GMDS: variants seen among roughly 807,000 people sequenced by gnomAD.
GMDS encodes the protein GDP-mannose 4,6 dehydratase.
In GMDS, 20 loss-of-function variants were observed where a neutral mutation model predicts 49.9. The observed-to-expected ratio is 0.40, with a 90% CI of 0.28 to 0.58. The LOEUF (loss-of-function observed/expected upper bound fraction) is 0.58. Ranked by LOEUF, GMDS falls within the 20% of genes least tolerant of loss-of-function variation. The probability of loss-of-function intolerance (pLI) is 0.42; values close to 1 mark genes in which losing one functional copy is unlikely to be tolerated. For synonymous variants in GMDS, 177 were observed against 178.6 expected, an observed-to-expected ratio of 0.99 and a Z score of 0.07; for missense variants, 362 against 481.4, an observed-to-expected ratio of 0.75 and a Z score of 2.32.
intron 9 of GMDS, among the ~76,000 whole-genome samples, chr6:1,704,754 T>A (rs190553089): frequency 6.6e-6 from 1 of 151,818 alleles, no homozygotes. Context: ...AAATTGGAAG[T>A]AATAAACACA....
chr6:1,880,284 C>CAAAAAAAAAA (rs34490393), intron 7 of GMDS, among the ~76,000 whole-genome samples: 1 of 59,112 alleles, frequency 1.7e-5, no homozygotes, highest in African/African-American at 7.2e-5. Context: ...CTCATTTCCA[C>CAAAAAAAAAA]AAAAAAAAAA....
At chr6:1,941,258 C>A (rs909672008) in intron 6 of GMDS, among the ~76,000 whole-genome samples, 3 of 151,888 alleles carry the variant, frequency 2.0e-5, no homozygotes, top group Non-Finnish European at 4.4e-5. Context: ...CATTTGGGAA[C>A]TATTTATGTA....
chr6:1,697,162 G>A (rs779247361), intron 9 of GMDS, among the ~76,000 whole-genome samples: 11 of 152,150 alleles, frequency 7.2e-5, no homozygotes, highest in South Asian at 2.1e-4. Context: ...TGATTCCTAC[G>A]TATGCCTCCT....
In GMDS at chr6:1,924,121, C is replaced by T. The variant is rs78283031; in HGVS notation, c.771+5982G>A. On this transcript the variant is annotated intron_variant, in intron 7 of 10. Coordinates refer to ENST00000380815, the MANE Select transcript of GMDS (RefSeq NM_001500.4). ...AGATCTGACAGCTGTCTCAGCCAGA[C>T]TCTTTCTTACATTTAAAACCTATAA... Among the ~76,000 whole-genome samples, 1,204 of 152,384 alleles carry T rather than the reference C, an allele frequency of 7.9e-3. 11 individuals are homozygous for T. Among genetic ancestry groups the T allele is most frequent in the African/African-American group, 0.025 (1,050 of 41,590 alleles).
intron 1 of GMDS, among the ~76,000 whole-genome samples, chr6:2,243,836 TCTC>T (rs1334064217): frequency 6.9e-6 from 1 of 143,892 alleles, no homozygotes; most frequent in Non-Finnish European, 1.5e-5. Flanking sequence ...AATTTCAACT[TCTC>T]CTTCTTTTTT....
At chr6:1,810,033 G>C (rs751876915) in intron 7 of GMDS, among the ~76,000 whole-genome samples, 2 of 150,438 alleles carry the variant, frequency 1.3e-5, no homozygotes, top group African/African-American at 4.9e-5. Context: ...CTTCGGTTAC[G>C]CAGCTCAACT....
intron 4 of GMDS, among the ~76,000 whole-genome samples, chr6:1,997,444 G>A (rs1191416228): frequency 6.7e-6 from 1 of 149,506 alleles, no homozygotes; most frequent in Non-Finnish European, 1.5e-5. Context: ...GGAGGCGGAG[G>A]CTGTAGTGAG....
chr6:1,866,800 C>T (rs967465207), intron 7 of GMDS, among the ~76,000 whole-genome samples: 3 of 151,930 alleles, frequency 2.0e-5, no homozygotes, highest in African/African-American at 7.3e-5. Context: ...CCACACAGTG[C>T]CCCCCCGGGG....
At chr6:1,893,643 G>A (rs921695210) in intron 7 of GMDS, among the ~76,000 whole-genome samples, 12 of 152,148 alleles carry the variant, frequency 7.9e-5, no homozygotes, top group Admixed American at 2.0e-4. Context: ...GAGCTAAATC[G>A]GGAAAGCTGA....
intron 7 of GMDS, among the ~76,000 whole-genome samples, chr6:1,813,437 C>A (rs1323882573): frequency 1.3e-5 from 2 of 152,088 alleles, no homozygotes; most frequent in African/African-American, 4.8e-5. Context: ...TACTCCTGAG[C>A]CATTCCTATC....
intron 1 of GMDS, among the ~76,000 whole-genome samples, chr6:2,213,279 G>A (rs953702389): frequency 6.6e-6 from 1 of 152,284 alleles, no homozygotes; most frequent in South Asian, 2.1e-4. Context: ...GTGAAACCTG[G>A]CAGTGGGGGT....
chr6:2,024,713 A>T (rs747429427), intron 4 of GMDS, among the ~76,000 whole-genome samples: 1 of 152,084 alleles, frequency 6.6e-6, no homozygotes, highest in Non-Finnish European at 1.5e-5. Flanking sequence ...AAAGAGAAGC[A>T]AAGAAAAAGG....
intron 7 of GMDS, among the ~76,000 whole-genome samples, chr6:1,830,877 T>C (rs1561833027): frequency 6.6e-6 from 1 of 152,262 alleles, no homozygotes; most frequent in Non-Finnish European, 1.5e-5. Context: ...GCCTGTTTTG[T>C]AGACCGATAT....
intron 1 of GMDS, among the ~76,000 whole-genome samples, chr6:2,134,447 C>T (rs968383757): frequency 6.6e-5 from 10 of 152,094 alleles, no homozygotes; most frequent in African/African-American, 2.4e-4. Context: ...ATAACTTCCT[C>T]GCCTAATAGG....
intron 4 of GMDS, among the ~76,000 whole-genome samples, chr6:2,035,594 A>G (rs538282503): frequency 1.8e-4 from 28 of 152,322 alleles, no homozygotes; most frequent in African/African-American, 6.3e-4. Flanking sequence ...TGTGTCAATT[A>G]TATCAATATT....
At chr6:1,730,421 A>G (rs1409000360) in intron 8 of GMDS, among the ~76,000 whole-genome samples, 2 of 152,164 alleles carry the variant, frequency 1.3e-5, no homozygotes, top group African/African-American at 2.4e-5. Context: ...GAATGGCCCC[A>G]ATTTACACTT....
At chr6:1,892,589 C>T (rs183190668) in intron 7 of GMDS, among the ~76,000 whole-genome samples, 1 of 152,250 alleles carries the variant, frequency 6.6e-6, no homozygotes, top group Admixed American at 6.5e-5. Flanking sequence ...AAACTCCTGA[C>T]CTCAGGTGAT....
intron 1 of GMDS, among the ~76,000 whole-genome samples, chr6:2,219,303 G>A (rs1252261623): frequency 6.6e-6 from 1 of 152,130 alleles, no homozygotes; most frequent in East Asian, 1.9e-4. Flanking sequence ...GATAGAGAGG[G>A]TAGAAACTTG....
intron 1 of GMDS, among the ~76,000 whole-genome samples, chr6:2,141,318 C>A (rs888923496): frequency 6.6e-6 from 1 of 152,080 alleles, no homozygotes; most frequent in African/African-American, 2.4e-5. Context: ...AGCTGGACCT[C>A]AAAACTGACC....
Sources: allele counts gnomAD v4.1 joint callset (sites outside exome capture counted in the v4.1 genomes callset), GRCh38; gene constraint gnomAD v4.1.1; transcripts MANE v1.5; gene names NCBI Gene and HGNC (gene_info 2026-07-23, HGNC 2026-07-21).